PPARGC1A: variants seen among roughly 807,000 people sequenced by gnomAD.
PPARGC1A encodes peroxisome proliferator-activated receptor gamma coactivator 1-alpha.
Under a neutral mutation model 88.7 loss-of-function variants are expected in PPARGC1A, and 25 were observed. The ratio of observed to expected loss-of-function variants is 0.28; its 90% CI spans 0.21 to 0.39. The LOEUF (loss-of-function observed/expected upper bound fraction) is 0.39. PPARGC1A is among the 10% of genes least tolerant of loss of function. PPARGC1A has a pLI of 1.00. For synonymous variants in PPARGC1A, 363 were observed against 355.6 expected, an observed-to-expected ratio of 1.02 and a Z score of -0.24; for missense variants, 880 against 968.7, an observed-to-expected ratio of 0.91 and a Z score of 1.22.
chr4:24,206,086 T>C, the PPARGC1A span, among the ~76,000 whole-genome samples: 9 of 152,288 alleles, frequency 5.9e-5, 1 homozygote, highest in African/African-American at 2.2e-4. Flanking sequence ...GAAGGTGAAT[T>C]TCAATAAATC....
chr4:24,424,586 T>C, the PPARGC1A span, among the ~76,000 whole-genome samples: 3 of 152,134 alleles, frequency 2.0e-5, no homozygotes, highest in Non-Finnish European at 2.9e-5. Context: ...CTATACACAC[T>C]TTTTAAGTAA....
At chr4:23,839,541 T>C (rs900273847) in intron 2 of PPARGC1A, among the ~76,000 whole-genome samples, 1 of 152,132 alleles carries the variant, frequency 6.6e-6, no homozygotes, top group Non-Finnish European at 1.5e-5. Context: ...CTAGATCCAT[T>C]TCCACCACCA....
chr4:24,472,306 C>G, the PPARGC1A span, among the ~76,000 whole-genome samples: 1 of 151,776 alleles, frequency 6.6e-6, no homozygotes, highest in Non-Finnish European at 1.5e-5. The surrounding 1 kb of genome is among the most constrained non-coding windows in gnomAD (Gnocchi z 4.5). Flanking sequence ...GCCTCCCCAC[C>G]AAGTACCAAG....
chr4:24,235,116 G>C, the PPARGC1A span, among the ~76,000 whole-genome samples: 1 of 152,090 alleles, frequency 6.6e-6, no homozygotes, highest in Admixed American at 6.6e-5. Context: ...CAACCACCAA[G>C]GTACCTAGAA....
chr4:24,334,981 T>C, the PPARGC1A span, among the ~76,000 whole-genome samples: 1 of 152,200 alleles, frequency 6.6e-6, no homozygotes, highest in Non-Finnish European at 1.5e-5. Flanking sequence ...AAATATTAGT[T>C]TCAAGAATAA....
chr4:24,428,773 T>C, the PPARGC1A span, among the ~76,000 whole-genome samples: 1 of 152,240 alleles, frequency 6.6e-6, no homozygotes, highest in Non-Finnish European at 1.5e-5. Context: ...CCCTCCTCTC[T>C]TTCCTGTGGT....
the PPARGC1A span, among the ~76,000 whole-genome samples, chr4:24,292,128 A>G: frequency 6.6e-6 from 1 of 151,962 alleles, no homozygotes; most frequent in African/African-American, 2.4e-5. Flanking sequence ...TTTCCCTAAG[A>G]CTCGCCTCCG....
At chr4:23,862,732 T>C (rs1731437287) in intron 2 of PPARGC1A, among the ~76,000 whole-genome samples, 1 of 152,230 alleles carries the variant, frequency 6.6e-6, no homozygotes. Context: ...TTATTATTAT[T>C]GGCAAGAAGA....
chr4:24,208,675 G>GAAAAAAA, the PPARGC1A span, among the ~76,000 whole-genome samples: 219 of 125,902 alleles, frequency 1.7e-3, no homozygotes, highest in African/African-American at 4.4e-3. Context: ...ACCAAACTCA[G>GAAAAAAA]AAAAAAAATA....
chr4:24,197,271 G>A, the PPARGC1A span, among the ~76,000 whole-genome samples: 13 of 152,168 alleles, frequency 8.5e-5, no homozygotes, highest in Admixed American at 8.5e-4. Context: ...TCTACCTTTT[G>A]CAGGTCATTT....
At chr4:23,849,960 G>A (rs1459072274) in intron 2 of PPARGC1A, among the ~76,000 whole-genome samples, 2 of 150,940 alleles carry the variant, frequency 1.3e-5, no homozygotes, top group South Asian at 4.2e-4. Flanking sequence ...TTTAAATGTT[G>A]AATGAAGGAA....
chr4:23,985,418 T>C, the PPARGC1A span, among the ~76,000 whole-genome samples: 1 of 151,928 alleles, frequency 6.6e-6, no homozygotes, highest in Admixed American at 6.6e-5. Context: ...AGAGGTGGCT[T>C]TGATGCATAA....
chr4:24,068,002 TTG>T, the PPARGC1A span, among the ~76,000 whole-genome samples: 11 of 151,296 alleles, frequency 7.3e-5, no homozygotes, highest in South Asian at 2.1e-4. Flanking sequence ...ATGTGTGTGC[TTG>T]TGTGTGTGTG....
At chr4:24,018,819 C>G in the PPARGC1A span, among the ~76,000 whole-genome samples, 1 of 151,902 alleles carries the variant, frequency 6.6e-6, no homozygotes, top group African/African-American at 2.4e-5. Flanking sequence ...CCTGGGGGAC[C>G]TCACCTCATT....
At chr4:24,215,567 G>A in the PPARGC1A span, among the ~76,000 whole-genome samples, 4 of 151,668 alleles carry the variant, frequency 2.6e-5, no homozygotes, top group African/African-American at 9.7e-5. Context: ...TTTTTAAAGG[G>A]GTTTACATGC....
chr4:23,958,743 C>T, the PPARGC1A span, among the ~76,000 whole-genome samples: 22 of 151,874 alleles, frequency 1.4e-4, no homozygotes, highest in African/African-American at 5.3e-4. Context: ...AAGTGTTAAG[C>T]TTATTCAAGT....
intron 2 of PPARGC1A, among the ~76,000 whole-genome samples, chr4:23,838,511 A>T (rs1454953496): frequency 6.6e-6 from 1 of 152,210 alleles, no homozygotes; most frequent in Non-Finnish European, 1.5e-5. Flanking sequence ...TGTGTGCAAT[A>T]AAAAAATCAA....
the PPARGC1A span, among the ~76,000 whole-genome samples, chr4:24,085,122 G>A: frequency 1.2e-3 from 188 of 151,618 alleles, 3 homozygotes; most frequent in Admixed American, 0.011. Context: ...TAAACATAAA[G>A]AAACAAATCC....
At chr4:24,057,988 A>G in the PPARGC1A span, among the ~76,000 whole-genome samples, 1 of 152,170 alleles carries the variant, frequency 6.6e-6, no homozygotes, top group Non-Finnish European at 1.5e-5. Context: ...GAAGCGAGTG[A>G]TTGATTGGAG....
Sources: gnomAD v4.1 joint callset for allele counts (sites outside exome capture counted in the v4.1 genomes callset) on GRCh38, gnomAD v4.1.1 for gene constraint, Gnocchi (gnomAD v3.1) non-coding constraint, MANE v1.5 for transcripts, NCBI Gene and HGNC (gene_info 2026-07-23, HGNC 2026-07-21) for gene names.